The following TRPC5 variants were observed in gnomAD, a reference collection of about 807,000 sequenced individuals.
TRPC5 encodes short transient receptor potential channel 5.
TRPC5 carries 9 observed loss-of-function variants against 56.5 expected under a neutral mutation model. That is an observed-to-expected ratio of 0.16 (90% CI 0.10 to 0.28). TRPC5 has a LOEUF of 0.28. Ranked by LOEUF, TRPC5 falls within the 10% of genes least tolerant of loss-of-function variation. TRPC5 has a pLI of 1.00. For synonymous variants in TRPC5, 282 were observed against 278.5 expected, an observed-to-expected ratio of 1.01 and a Z score of -0.13; for missense variants, 469 against 748.9, an observed-to-expected ratio of 0.63 and a Z score of 4.36.
intron 7 of TRPC5, among the ~76,000 whole-genome samples, chrX:111,811,991 T>G (rs1921723721): frequency 9.0e-6 from 1 of 111,471 alleles, no homozygotes; most frequent in Non-Finnish European, 1.9e-5. Context: ...AGTCACATTT[T>G]CAAGCACAGA....
intron 9 of TRPC5, 76 bp from the exon 10 acceptor site, chrX:111,779,150 A>G (rs1395060637): frequency 2.1e-5 from 15 of 713,405 alleles, no homozygotes; most frequent in Admixed American, 1.7e-4. Context: ...TACATAGGAA[A>G]TAAAACATGC....
chrX:111,821,844 C>T (rs1322578054), intron 7 of TRPC5, among the ~76,000 whole-genome samples: 1 of 111,262 alleles, frequency 9.0e-6, no homozygotes, highest in Non-Finnish European at 1.9e-5. Flanking sequence ...CATTCAGAGA[C>T]CAATTTAAGT....
intron 3 of TRPC5, among the ~76,000 whole-genome samples, chrX:111,894,790 T>C (rs1052597702): frequency 3.6e-5 from 4 of 111,687 alleles, no homozygotes; most frequent in African/African-American, 1.3e-4. Flanking sequence ...AGGGTGCATA[T>C]CAATGCTTTT....
intron 1 of TRPC5, among the ~76,000 whole-genome samples, chrX:111,974,755 A>ACTAT (rs1312317735): frequency 9.0e-6 from 1 of 111,280 alleles, no homozygotes. Context: ...AAATCCCGGG[A>ACTAT]AAAGCTTGTC....
At chrX:112,069,582 G>T (rs2147745091) in intron 1 of TRPC5, among the ~76,000 whole-genome samples, 1 of 112,206 alleles carries the variant, frequency 8.9e-6, no homozygotes, top group Non-Finnish European at 1.9e-5. Context: ...AGCCTCCAGG[G>T]GGCCCAGTGG....
rs1945861515 is a variant in TRPC5 at position 111,774,274 on chromosome X, TTTTC to T, written c.*2035_*2038del. 1 of 111,975 alleles carries T rather than the reference TTTTC, an allele frequency of 8.9e-6. No individual in the cohort carries two copies. The allele number at this position is 111,975 out of a possible 1,213,427, so 9.2% of individuals were successfully genotyped here. ...ATATACATTTCTGAGAAAAACATGT[TTTTC>T]TTTTTATAAAATGGGGTTATATGCT... On this transcript the variant is annotated 3_prime_UTR_variant, in exon 11 of 11. Transcript: ENST00000262839.
rs184051783 is a variant in TRPC5, at chrX:111,790,927, G to T, written c.1897-8789C>A. ...TCCCAGCTGCTTGGGAGGCTGAGGC[G>T]CAGAATTGCTTGAACGCAGGAGGCA... On this transcript the variant is annotated intron_variant, in intron 7 of 10. Coordinates refer to ENST00000262839, the MANE Select transcript of TRPC5 (RefSeq NM_012471.3). Among the ~76,000 whole-genome samples, 5 of 101,319 alleles carry T rather than the reference G, an allele frequency of 4.9e-5. No individual in the cohort carries two copies. The East Asian group carries it at 1.6e-3, about 33-fold the overall frequency. 88.0% of individuals were successfully genotyped at this position (101,319 alleles called of 115,157 possible). A position where few individuals can be genotyped will look rare whatever the true frequency, so the allele number is the denominator to read the frequency against.
intron 3 of TRPC5, among the ~76,000 whole-genome samples, chrX:111,882,676 A>T (rs141733887): frequency 2.7e-4 from 31 of 112,936 alleles, no homozygotes; most frequent in Non-Finnish European, 4.7e-4. Context: ...AATTAATGCC[A>T]AGGCAGCTTG....
intron 1 of TRPC5, among the ~76,000 whole-genome samples, chrX:111,976,153 T>A (rs907752159): frequency 7.2e-5 from 8 of 111,820 alleles, no homozygotes; most frequent in Admixed American, 3.8e-4. Context: ...CTGGGCATGA[T>A]GACTCACACC....
At chrX:111,994,947 A>G (rs1928479114) in intron 1 of TRPC5, among the ~76,000 whole-genome samples, 1 of 111,410 alleles carries the variant, frequency 9.0e-6, no homozygotes, top group Non-Finnish European at 1.9e-5. Context: ...CTAATTGAAT[A>G]CCCTTTATTT....
At chrX:112,057,074 C>T (rs1247001480) in intron 1 of TRPC5, among the ~76,000 whole-genome samples, 1 of 111,885 alleles carries the variant, frequency 8.9e-6, no homozygotes, top group Admixed American at 9.6e-5. Context: ...CTTTCAGTCA[C>T]GAGGGTCATT....
chrX:111,794,226 A>G (rs1354247486), intron 7 of TRPC5, among the ~76,000 whole-genome samples: 2 of 111,880 alleles, frequency 1.8e-5, no homozygotes, highest in Non-Finnish European at 3.8e-5. Flanking sequence ...ATTTTTTTAA[A>G]TGCAAAAGAA....
intron 2 of TRPC5, among the ~76,000 whole-genome samples, chrX:111,916,787 T>A (rs1925989403): frequency 8.9e-6 from 1 of 112,452 alleles, no homozygotes; most frequent in Non-Finnish European, 1.9e-5. Context: ...CTTAAAGTTA[T>A]AAACGTTGGC....
At chrX:111,981,430 A>C (rs1386448479) in intron 1 of TRPC5, among the ~76,000 whole-genome samples, 1 of 111,492 alleles carries the variant, frequency 9.0e-6, no homozygotes, top group Admixed American at 9.6e-5. Context: ...TACCAATTCA[A>C]AGGTCAAGCT....
At chrX:111,799,440 G>A (rs1921230971) in intron 7 of TRPC5, among the ~76,000 whole-genome samples, 1 of 111,387 alleles carries the variant, frequency 9.0e-6, no homozygotes, top group African/African-American at 3.3e-5. Context: ...AGACATCAAA[G>A]TGGTCTACTT....
intron 7 of TRPC5, among the ~76,000 whole-genome samples, chrX:111,805,305 A>C (rs1042659441): frequency 9.0e-6 from 1 of 111,620 alleles, no homozygotes; most frequent in Admixed American, 9.5e-5. Context: ...TATTGGTCTA[A>C]AATTCTCTTT....
At chrX:111,884,381 A>G (rs991062736) in intron 3 of TRPC5, among the ~76,000 whole-genome samples, 9 of 112,578 alleles carry the variant, frequency 8.0e-5, no homozygotes, top group African/African-American at 2.9e-4. Context: ...TAAGGCGTAA[A>G]CAGAGTCTTT....
intron 2 of TRPC5, among the ~76,000 whole-genome samples, chrX:111,916,667 A>T (rs749668892): frequency 1.8e-5 from 2 of 112,425 alleles, no homozygotes; most frequent in East Asian, 5.6e-4. Flanking sequence ...AGACCCTCTC[A>T]AAGGGGGCAG....
chrX:111,916,701 G>T (rs1432640022), intron 2 of TRPC5, among the ~76,000 whole-genome samples: 1 of 112,398 alleles, frequency 8.9e-6, no homozygotes, highest in African/African-American at 3.2e-5. Context: ...CCTGTAAATT[G>T]TCATAAACAC....
Sources: allele counts gnomAD v4.1 joint callset (sites outside exome capture counted in the v4.1 genomes callset), GRCh38; gene constraint gnomAD v4.1.1; transcripts MANE v1.5; gene names NCBI Gene and HGNC (gene_info 2026-07-23, HGNC 2026-07-21).